The following HSP90AA1 variants were observed in gnomAD, a reference collection of about 807,000 sequenced individuals.
HSP90AA1 encodes the protein heat shock protein HSP 90-alpha.
HSP90AA1 carries 18 observed loss-of-function variants against 73.3 expected under a neutral mutation model. That is an observed-to-expected ratio of 0.25 (90% CI 0.17 to 0.36). HSP90AA1 has a LOEUF of 0.36. Among genes scored for constraint, HSP90AA1 ranks in the 10% least tolerant of loss-of-function variants. HSP90AA1 has a pLI of 1.00. For synonymous variants in HSP90AA1, 477 were observed against 296.9 expected (o/e 1.61, Z -6.24); for missense variants, 704 against 874.2 (o/e 0.81, Z 2.45).
At position 102,085,661 on chromosome 14, in the gene HSP90AA1, C is replaced by G. The variant is rs1453824868; in HGVS notation, c.529+97G>C. The G allele has an allele frequency of 1.4e-5, 22 of 1,571,694 alleles. 1 individual carries two copies. The highest frequency in any genetic ancestry group is 1.2e-5 in the Non-Finnish European group (14 of 1,143,824). ...CTTGTTCCTGATCGTTGGGCAAACA[C>G]AAATTCTGTAAGCTTCACCGCATCC... On this transcript the variant is annotated intron_variant, in intron 3 of 10. Transcript: ENST00000216281.
chr14:102,136,554 G>C lies in HSP90AA1; in HGVS notation c.155+2696C>G, dbSNP rs2049997504. On this transcript the variant is annotated intron_variant, in intron 1 of 11. Coordinates refer to the HSP90AA1 transcript ENST00000334701. The stretch of plus-strand genomic sequence containing the variant: ...ACTGCACTCCAGCCTGGGCGACAGA[G>C]TGAGACTCGTCTCAAAAAAAAAAAA... 1.7e-4 allele frequency among the ~76,000 whole-genome samples: 4 copies of C among 23,936 alleles called. No homozygotes were observed. In the South Asian group the frequency reaches 0.014, roughly 84 times the overall value. The allele number at this position is 23,936 out of a possible 152,430, so 15.7% of individuals were successfully genotyped here. A position where few individuals can be genotyped will look rare whatever the true frequency, so the allele number is the denominator to read the frequency against.
Position 102,083,156 on chromosome 14 carries a change from T to C in HSP90AA1, c.1633A>G (p.Thr545Ala). The C allele has an allele frequency of 1.2e-6, 2 of 1,614,040 alleles. No homozygotes were observed. The highest frequency in any genetic ancestry group is 1.7e-6 in the Non-Finnish European group (2 of 1,179,920). Residue 545 changes from threonine (T) to alanine (A), a missense_variant, in exon 9 of 11, where the codon ACC (threonine) becomes GCC (alanine). Transcript: ENST00000216281. ...EFEGKTLVSVTKEGLELPEDE... is the reference protein window; with the variant it reads ...EFEGKTLVSVAKEGLELPEDE... ...TCTGGAAGTTCCAGGCCTTCTTTGG[T>C]GACTGACACTAAAGTCTTCCCCTCA... is the stretch of plus-strand genomic sequence containing the variant.
chr14:102,081,461 C>T lies in HSP90AA1; in HGVS notation c.*251G>A. ...AAAGTTAACATCATGTTACATACGTCTTACAGTGCACGTTACCCCAATCTG... is the reference window on the plus strand; with the variant it reads ...AAAGTTAACATCATGTTACATACGTTTTACAGTGCACGTTACCCCAATCTG... On this transcript the variant is annotated 3_prime_UTR_variant, in exon 11 of 11. Coordinates refer to ENST00000216281, the MANE Select transcript of HSP90AA1 (RefSeq NM_005348.4). 1 of 564,568 alleles carries T rather than the reference C, an allele frequency of 1.8e-6. No individual in the cohort carries two copies. Among genetic ancestry groups the T allele is most frequent in the Non-Finnish European group, 3.2e-6 (1 of 316,426 alleles). 35.0% of individuals were successfully genotyped at this position (564,568 alleles called of 1,614,324 possible).
chr14:102,085,648 C>T lies in HSP90AA1; in HGVS notation c.529+110G>A, dbSNP rs55745202. The T allele has an allele frequency of 3.4e-3, 5,182 of 1,524,564 alleles. 101 individuals carry two copies. The East Asian group carries it at 0.043, about 13-fold the overall frequency. 94.4% of individuals were successfully genotyped at this position (1,524,564 alleles called of 1,614,324 possible). On this transcript the variant is annotated intron_variant, in intron 3 of 10. Transcript: ENST00000216281. ...TTAAGTGCTCTAGCTTGTTCCTGATCGTTGGGCAAACACAAATTCTGTAAG... is the reference window on the plus strand; with the variant it reads ...TTAAGTGCTCTAGCTTGTTCCTGATTGTTGGGCAAACACAAATTCTGTAAG...
intron 1 of HSP90AA1, among the ~76,000 whole-genome samples, chr14:102,114,770 C>T (rs566624335): frequency 1.2e-4 from 18 of 152,096 alleles, no homozygotes; most frequent in African/African-American, 4.3e-4. Context: ...GAGGCTGAGG[C>T]GGGCAGATCG....
chr14:102,119,388 A>C (rs1047702178), intron 1 of HSP90AA1, among the ~76,000 whole-genome samples: 16 of 152,150 alleles, frequency 1.1e-4, no homozygotes, highest in African/African-American at 3.9e-4. Flanking sequence ...CATCATAAAG[A>C]TCTAGCACAG....
In HSP90AA1 at chr14:102,086,365, G is replaced by C. The variant is rs772078840; in HGVS notation, c.14C>G (p.Thr5Ser). MPEE[T>S]QTQDQPMEEE... ...CTCCATCGGTTGGTCTTGGGTCTGG[G>C]TTTCCTCAGGCATCTGGAACGACAC... The change falls in exon 2 of 11, where the codon ACC becomes AGC. Residue 5 changes from threonine to serine, a missense_variant. Thr to Ser is a moderately conservative substitution (Grantham distance 58, BLOSUM62 1). Coordinates refer to ENST00000216281, the MANE Select transcript of HSP90AA1 (RefSeq NM_005348.4). The C allele has an allele frequency of 3.7e-6, 6 of 1,614,026 alleles. No individual in the cohort carries two copies. The highest frequency in any genetic ancestry group is 5.1e-6 in the Non-Finnish European group (6 of 1,180,036).
intron 1 of HSP90AA1, 65 bp from the exon 2 acceptor site, chr14:102,086,443 T>C: frequency 3.9e-6 from 6 of 1,536,540 alleles, no homozygotes; most frequent in African/African-American, 1.4e-5. Flanking sequence ...CGAAATTCCA[T>C]CGCGTTCTCC....
Position 102,083,145 on chromosome 14 carries a change from G to A in HSP90AA1, c.1644C>T (p.Gly548=), listed in dbSNP as rs755068349. The change falls in exon 9 of 11, where the codon GGC becomes GGT. Residue 548 remains glycine (G), a synonymous_variant. Transcript: ENST00000216281. ...CTTCTTCATCCTCTGGAAGTTCCAGGCCTTCTTTGGTGACTGACACTAAAG... is the reference window on the plus strand; with the variant it reads ...CTTCTTCATCCTCTGGAAGTTCCAGACCTTCTTTGGTGACTGACACTAAAG... ...GKTLVSVTKE[G]LELPEDEEEK... is the part of the protein sequence containing the mutation. 6 of 1,613,628 alleles carry A rather than the reference G, an allele frequency of 3.7e-6. No individual in the cohort carries two copies. Among genetic ancestry groups the A allele is most frequent in the Non-Finnish European group, 5.1e-6 (6 of 1,179,878 alleles).
chr14:102,086,155 C>G, intron 2 of HSP90AA1, 31 bp from the exon 3 acceptor site: 2 of 1,614,038 alleles, frequency 1.2e-6, no homozygotes, highest in Non-Finnish European at 1.7e-6. Flanking sequence ...TTTAAGCATA[C>G]AGCACCCCCA....
rs750007503 is a variant in HSP90AA1, at chr14:102,139,216, CAT to C, written c.155+32_155+33del. On this transcript the variant is annotated intron_variant, in intron 1 of 11. Transcript: ENST00000334701. Reference sequence around the variant, plus strand: ...TCCCCCTACCCCGCCTGAAATAAAACATAGTGAAGCGTAAATCTTGAGTCCCT... The same window carrying C: ...TCCCCCTACCCCGCCTGAAATAAAACAGTGAAGCGTAAATCTTGAGTCCCT... 65 of 1,613,238 alleles carry C rather than the reference CAT, an allele frequency of 4.0e-5. No individual in the cohort carries two copies. In the South Asian group the frequency reaches 7.0e-4, roughly 17 times the overall value.
chr14:102,085,522 G>C (rs945746481), intron 3 of HSP90AA1, 91 bp from the exon 4 acceptor site: 5 of 1,371,460 alleles, frequency 3.6e-6, no homozygotes, highest in Middle Eastern at 1.8e-4. Context: ...TATAAAGCAA[G>C]GTTTGCCGTT....
intron 2 of HSP90AA1, among the ~76,000 whole-genome samples, chr14:102,094,970 G>A (rs890417528): frequency 6.6e-6 from 1 of 152,122 alleles, no homozygotes; most frequent in African/African-American, 2.4e-5. Flanking sequence ...TGAAGCACAG[G>A]AGCCCCAGAG....
intron 1 of HSP90AA1, among the ~76,000 whole-genome samples, chr14:102,127,010 G>A (rs1342570639): frequency 1.3e-5 from 2 of 150,530 alleles, no homozygotes; most frequent in Non-Finnish European, 2.9e-5. Context: ...CAATAATGCT[G>A]ATGAGGCTCT....
chr14:102,123,744 C>T (rs537483256), intron 1 of HSP90AA1, among the ~76,000 whole-genome samples: 1 of 152,186 alleles, frequency 6.6e-6, no homozygotes, highest in South Asian at 2.1e-4. Flanking sequence ...ACCATTCACA[C>T]TGCAGTCAAT....
At chr14:102,089,582 G>C (rs1388036068), upstream of HSP90AA1, among the ~76,000 whole-genome samples, 1 of 152,038 alleles carries the variant, frequency 6.6e-6, no homozygotes, top group Non-Finnish European at 1.5e-5. Flanking sequence ...GTGGGTCTTT[G>C]CCCCCAGGAA....
chr14:102,134,869 C>T (rs928357971), intron 1 of HSP90AA1, among the ~76,000 whole-genome samples: 4 of 152,214 alleles, frequency 2.6e-5, no homozygotes, highest in Non-Finnish European at 5.9e-5. Context: ...TGCTTTTATT[C>T]TCTTATCTGG....
chr14:102,115,368 C>G (rs2049693630), intron 1 of HSP90AA1, among the ~76,000 whole-genome samples: 1 of 151,830 alleles, frequency 6.6e-6, no homozygotes, highest in African/African-American at 2.4e-5. Flanking sequence ...TAGACTTCTG[C>G]TAGGATGGGA....
chr14:102,114,002 A>T (rs996373849), intron 1 of HSP90AA1, among the ~76,000 whole-genome samples: 2 of 151,624 alleles, frequency 1.3e-5, no homozygotes, highest in Non-Finnish European at 2.9e-5. Context: ...GAGCCACTGC[A>T]CCCCGCCCCC....
Sources: gnomAD v4.1 joint callset for allele counts (sites outside exome capture counted in the v4.1 genomes callset) on GRCh38, gnomAD v4.1.1 for gene constraint, MANE v1.5 for transcripts, NCBI Gene and HGNC (gene_info 2026-07-23, HGNC 2026-07-21) for gene names.